Variants in HOXB3 observed in about 807,000 individuals in gnomAD.
The protein encoded by HOXB3 is homeobox protein Hox-B3.
In HOXB3, 17 loss-of-function variants were observed where a neutral mutation model predicts 29.2. The observed-to-expected ratio is 0.58, with a 90% CI of 0.40 to 0.87. The LOEUF is 0.87. Among genes scored for constraint, HOXB3 ranks in the 40% least tolerant of loss-of-function variants. The probability of loss-of-function intolerance (pLI) is 0.00; values close to 1 mark genes in which losing one functional copy is unlikely to be tolerated. For missense variants in HOXB3, 637 were observed against 616.3 expected, an observed-to-expected ratio of 1.03 and a Z score of -0.35; for synonymous variants, 317 against 285.9, an observed-to-expected ratio of 1.11 and a Z score of -1.10.
In HOXB3 at chr17:48,550,819, ACTGCATGGG is replaced by A; in HGVS notation, c.802_810del (p.Pro268_Gln270del). ...AAGGCGTTCATGAAGCCGGCCGTGG[ACTGCATGGG>A]CTGCGGGGGGCTGCCGGCTGGAGAT... On this transcript the variant is annotated inframe_deletion, in exon 5 of 5. Coordinates refer to ENST00000498678, the MANE Select transcript of HOXB3 (RefSeq NM_001384749.1). 6.2e-7 allele frequency: 1 copy of A among 1,613,570 alleles called. No homozygotes were observed. The highest frequency in any genetic ancestry group is 2.2e-5 in the East Asian group (1 of 44,844).
At chr17:48,590,101 A>G (rs2070121323) in intron 1 of HOXB3, 24 bp downstream of exon 1, 1 of 152,190 alleles carries the variant, frequency 6.6e-6, no homozygotes, top group Admixed American at 6.5e-5. Context: ...CAAGGGGTAA[A>G]AGCGAAAGCT....
At chr17:48,565,667 C>T (rs1267609430) in intron 2 of HOXB3, among the ~76,000 whole-genome samples, 1 of 152,252 alleles carries the variant, frequency 6.6e-6, no homozygotes, top group African/African-American at 2.4e-5. Flanking sequence ...CTTCCCTTTC[C>T]TCTGTGGGGG....
intron 1 of HOXB3, chr17:48,578,375 G>T (rs1225954079): frequency 1.3e-6 from 2 of 1,559,680 alleles, no homozygotes; most frequent in Non-Finnish European, 8.7e-7. Context: ...CCCCTGACTC[G>T]TTTTCCTGTT....
intron 2 of HOXB3, among the ~76,000 whole-genome samples, chr17:48,568,135 A>T (rs2069449799): frequency 6.6e-6 from 1 of 151,728 alleles, no homozygotes; most frequent in Non-Finnish European, 1.5e-5. Flanking sequence ...CTCCACTTCC[A>T]CCTCTCTTAC....
At chr17:48,585,248 T>C (rs2070024462) in intron 1 of HOXB3, among the ~76,000 whole-genome samples, 1 of 152,174 alleles carries the variant, frequency 6.6e-6, no homozygotes, top group African/African-American at 2.4e-5. Flanking sequence ...GAAGGGCTTT[T>C]GACCACCCAC....
At chr17:48,587,806 A>C (rs747381957) in intron 1 of HOXB3, among the ~76,000 whole-genome samples, 3 of 152,200 alleles carry the variant, frequency 2.0e-5, no homozygotes, top group Non-Finnish European at 4.4e-5. Flanking sequence ...CAAATAACCA[A>C]ATAAAACAAA....
intron 2 of HOXB3, among the ~76,000 whole-genome samples, chr17:48,555,859 C>A (rs1043393698): frequency 6.6e-6 from 1 of 152,182 alleles, no homozygotes; most frequent in Non-Finnish European, 1.5e-5. Flanking sequence ...TCGCCAGAAT[C>A]CAGCTCCGGG....
Position 48,550,169 on chromosome 17 carries a change from A to C in HOXB3, c.*165T>G. ...AACAAGGGGTGGAAGACTTAAAAGC[A>C]ACCTCTCAGGCCAGGGGGAAGGGAA... On this transcript the variant is annotated 3_prime_UTR_variant, in exon 5 of 5. Coordinates refer to ENST00000498678, the MANE Select transcript of HOXB3 (RefSeq NM_001384749.1). 1 of 861,072 alleles carries C rather than the reference A, an allele frequency of 1.2e-6. No homozygotes were observed. The highest frequency in any genetic ancestry group is 1.7e-6 in the Non-Finnish European group (1 of 572,684). The allele number at this position is 861,072 out of a possible 1,614,324, so 53.3% of individuals were successfully genotyped here. A position where few individuals can be genotyped will look rare whatever the true frequency, so the allele number is the denominator to read the frequency against.
intron 2 of HOXB3, among the ~76,000 whole-genome samples, chr17:48,563,628 G>C (rs2069279037): frequency 6.6e-6 from 1 of 152,168 alleles, no homozygotes; most frequent in Non-Finnish European, 1.5e-5. Context: ...AAGGAGAGGG[G>C]CTTCTCTGGC....
chr17:48,551,732 C>T (rs542253184), intron 4 of HOXB3, among the ~76,000 whole-genome samples: 36 of 152,372 alleles, frequency 2.4e-4, no homozygotes, highest in African/African-American at 8.4e-4. Context: ...TCGTTGACGA[C>T]TCTGCATCCT....
At chr17:48,572,096 A>C (rs1161089669) in intron 2 of HOXB3, among the ~76,000 whole-genome samples, 1 of 152,186 alleles carries the variant, frequency 6.6e-6, no homozygotes, top group Non-Finnish European at 1.5e-5. Flanking sequence ...GTTTTTGGAA[A>C]GGCTCTATGT....
In HOXB3 at chr17:48,552,334, G is replaced by A. The variant is rs1261711293; in HGVS notation, c.141C>T (p.Tyr47=). 1 of 1,614,104 alleles carries A rather than the reference G, an allele frequency of 6.2e-7. No homozygotes were observed. The highest frequency in any genetic ancestry group is 8.5e-7 in the Non-Finnish European group (1 of 1,179,998). Residue 47 remains tyrosine, a synonymous_variant, in exon 4 of 5, where the codon TAC becomes TAT. Coordinates refer to ENST00000498678, the MANE Select transcript of HOXB3 (RefSeq NM_001384749.1). ...FQAATHLEGD[Y]QRSACSLQSL... is the part of the protein sequence containing the mutation. ...ACTGCAGCGAGCAAGCTGAGCGCTG[G>A]TAGTCGCCCTCCAGGTGCGTGGCGG...
chr17:48,552,570 G>T lies in HOXB3; in HGVS notation c.-96C>A. ...ACCCTGGGGGTCACGTGACACGCCGGACCCCCCCCCCCCACCTCCCCTCTC... is the reference window on the plus strand; with the variant it reads ...ACCCTGGGGGTCACGTGACACGCCGTACCCCCCCCCCCCACCTCCCCTCTC... On this transcript the variant is annotated 5_prime_UTR_variant, in exon 4 of 5. Coordinates refer to ENST00000498678, the MANE Select transcript of HOXB3 (RefSeq NM_001384749.1). The T allele has an allele frequency of 1.4e-6, 1 of 736,958 alleles. No homozygotes were observed. Among genetic ancestry groups the T allele is most frequent in the South Asian group, 2.4e-5 (1 of 42,098 alleles). 45.7% of individuals were successfully genotyped at this position (736,958 alleles called of 1,614,324 possible). A position where few individuals can be genotyped will look rare whatever the true frequency, so the allele number is the denominator to read the frequency against.
intron 2 of HOXB3, chr17:48,560,143 C>T (rs2069144152): frequency 6.5e-6 from 1 of 152,740 alleles, no homozygotes. Flanking sequence ...GGCTGCAAAT[C>T]CTGGGCAGCT....
intron 2 of HOXB3, among the ~76,000 whole-genome samples, chr17:48,564,849 G>A (rs898126843): frequency 1.3e-5 from 2 of 152,222 alleles, no homozygotes; most frequent in Non-Finnish European, 2.9e-5. Context: ...GGGGCAATAG[G>A]AAGGATCAGA....
At chr17:48,570,033 C>A (rs2069532508) in intron 2 of HOXB3, among the ~76,000 whole-genome samples, 3 of 152,164 alleles carry the variant, frequency 2.0e-5, no homozygotes, top group Non-Finnish European at 4.4e-5. Flanking sequence ...CTTCCCAAAC[C>A]CACCAGTGAA....
In HOXB3 at chr17:48,550,946, G is replaced by C. The variant is rs1367520152; in HGVS notation, c.684C>G (p.Ser228Arg). 1 of 1,613,928 alleles carries C rather than the reference G, an allele frequency of 6.2e-7. No homozygotes were observed. Residue 228 changes from serine to arginine, a missense_variant, in exon 5 of 5, where the codon AGC becomes AGG. Physicochemically the swap from Ser to Arg is moderately radical, Grantham distance 110. Coordinates refer to ENST00000498678, the MANE Select transcript of HOXB3 (RefSeq NM_001384749.1). ...RVEMANLLNL[S>R]ERQIKIWFQN... ...GGAACCAGATCTTGATCTGCCGCTC[G>C]CTGAGGTTCAGCAGGTTGGCCATCT...
chr17:48,550,480 G>C lies in HOXB3; in HGVS notation c.1150C>G (p.Leu384Val). The C allele has an allele frequency of 6.2e-7, 1 of 1,609,584 alleles. No individual in the cohort carries two copies. The highest frequency in any genetic ancestry group is 8.5e-7 in the Non-Finnish European group (1 of 1,178,976). ...NHLSHHPSGN[L>V]DYNGAPPMAP... Reference sequence around the variant, plus strand: ...ATAGGGGGCGCCCCGTTGTAGTCCAGGTTCCCGGAAGGGTGATGGGAAAGG... The same window carrying C: ...ATAGGGGGCGCCCCGTTGTAGTCCACGTTCCCGGAAGGGTGATGGGAAAGG... The change falls in exon 5 of 5, where the codon CTG becomes GTG. Residue 384 changes from leucine to valine, a missense_variant. Physicochemically the swap from Leu to Val is conservative, Grantham distance 32. Coordinates refer to ENST00000498678, the MANE Select transcript of HOXB3 (RefSeq NM_001384749.1).
chr17:48,588,969 G>C (rs1228845709), intron 1 of HOXB3, among the ~76,000 whole-genome samples: 1 of 152,238 alleles, frequency 6.6e-6, no homozygotes, highest in African/African-American at 2.4e-5. Flanking sequence ...CAGTTGGTGA[G>C]CTGAATCAAG....
Sources: allele counts gnomAD v4.1 joint callset (sites outside exome capture counted in the v4.1 genomes callset), GRCh38; gene constraint gnomAD v4.1.1; transcripts MANE v1.5; gene names NCBI Gene and HGNC (gene_info 2026-07-23, HGNC 2026-07-21).